The following PALM3 variants were observed in gnomAD, a reference collection of about 807,000 sequenced individuals.
PALM3 encodes the protein paralemmin 3.
In PALM3, 20 loss-of-function variants were observed where a neutral mutation model predicts 27.9. The ratio of observed to expected loss-of-function variants is 0.72; its 90% CI spans 0.50 to 1.04. PALM3 has a LOEUF of 1.04. Ranked by LOEUF, PALM3 falls within the 50% of genes least tolerant of loss-of-function variation. PALM3 has a pLI of 0.00. For missense variants in PALM3, 814 were observed against 869.4 expected (o/e 0.94, Z 0.80); for synonymous variants, 328 against 352.7 (o/e 0.93, Z 0.79).
In PALM3 at chr19:14,056,482, C is replaced by T. The variant is rs895860166; in HGVS notation, c.346G>A (p.Ala116Thr). Residue 116 changes from alanine (A) to threonine (T), a missense_variant, in exon 5 of 7, where the codon GCT (alanine) becomes ACT (threonine). Ala to Thr is a moderately conservative substitution (Grantham distance 58). Coordinates refer to ENST00000669674, the MANE Select transcript of PALM3 (RefSeq NM_001145028.2). ...LQSQLQLLQSASTGAQHKPSG... is the reference protein window; with the variant it reads ...LQSQLQLLQSTSTGAQHKPSG... The stretch of plus-strand genomic sequence containing the variant: ...GGCTTGTGCTGGGCACCTGTGGAAG[C>T]ACTTTGCAACAGTTGCAGCTGGGAC... 6.4e-7 allele frequency: 1 copy of T among 1,551,524 alleles called. No homozygotes were observed. Among genetic ancestry groups the T allele is most frequent in the African/African-American group, 1.4e-5 (1 of 73,072 alleles).
intron 6 of PALM3, 41 bp from the exon 7 acceptor site, chr19:14,055,267 G>A (rs375375388): frequency 6.6e-7 from 1 of 1,521,372 alleles, no homozygotes; most frequent in Admixed American, 2.1e-5. Flanking sequence ...CAAAAGGGAA[G>A]ACAGGGTTAA....
Position 14,053,698 on chromosome 19 carries a change from C to A in PALM3, c.1974G>T (p.Ala658=), listed in dbSNP as rs372145548. Residue 658 remains alanine, a synonymous_variant, in exon 7 of 7, where the codon GCG becomes GCT. Coordinates refer to ENST00000669674, the MANE Select transcript of PALM3 (RefSeq NM_001145028.2). ...NPSAHPVPTY[A]PARQPEPSAP... Reference sequence around the variant, plus strand: ...CAGATGGCTCAGGCTGCCGGGCAGGCGCGTAGGTGGGCACAGGGTGGGCAC... The same window carrying A: ...CAGATGGCTCAGGCTGCCGGGCAGGAGCGTAGGTGGGCACAGGGTGGGCAC... 5 of 1,499,058 alleles carry A rather than the reference C, an allele frequency of 3.3e-6. No homozygotes were observed. 92.9% of individuals were successfully genotyped at this position (1,499,058 alleles called of 1,614,324 possible).
chr19:14,053,885 G>A lies in PALM3; in HGVS notation c.1787C>T (p.Pro596Leu). ...TCCTTCCTCCTCCAGGGCTCCTACT[G>A]GCTTCTCCTGGGGCTGGGGTCCTTC... ...EKEGPQPQEK[P>L]VGALEEEGVK... The change falls in exon 7 of 7, where the codon CCA (proline) becomes CTA (leucine). Residue 596 changes from proline (P) to leucine (L), a missense_variant. Physicochemically the swap from Pro to Leu is moderately conservative, Grantham distance 98. Transcript: ENST00000669674. 1.3e-6 allele frequency: 2 copies of A among 1,551,652 alleles called. No individual in the cohort carries two copies. Among genetic ancestry groups the A allele is most frequent in the Non-Finnish European group, 1.7e-6 (2 of 1,146,944 alleles).
chr19:14,055,119 G>A lies in PALM3; in HGVS notation c.553C>T (p.Pro185Ser). The A allele has an allele frequency of 6.4e-7, 1 of 1,551,546 alleles. No individual in the cohort carries two copies. Among genetic ancestry groups the A allele is most frequent in the Non-Finnish European group, 8.7e-7 (1 of 1,146,982 alleles). ...REDVLGFLPG[P>S]RQVPGAAGDS... is the part of the protein sequence containing the mutation. ...CCTGCTGCCCCGGGGACCTGCCTCGGGCCTGGCAGAAACCCCAAGACATCC... is the reference window on the plus strand; with the variant it reads ...CCTGCTGCCCCGGGGACCTGCCTCGAGCCTGGCAGAAACCCCAAGACATCC... Residue 185 changes from proline to serine, a missense_variant, in exon 7 of 7, where the codon CCG becomes TCG. Pro to Ser is a moderately conservative substitution (Grantham distance 74, BLOSUM62 -1). Transcript: ENST00000669674.
At chr19:14,060,312 T>C (rs1190015116) in intron 1 of PALM3, among the ~76,000 whole-genome samples, 3 of 151,994 alleles carry the variant, frequency 2.0e-5, no homozygotes. Context: ...ATATATATAC[T>C]ATATATAGCA....
rs1251870699 is a variant in PALM3, at chr19:14,059,178, CA to C, written c.42-16del. 7 of 1,443,364 alleles carry C rather than the reference CA, an allele frequency of 4.8e-6. No homozygotes were observed. Among genetic ancestry groups the C allele is most frequent in the Non-Finnish European group, 6.4e-6 (7 of 1,101,320 alleles). The allele number at this position is 1,443,364 out of a possible 1,614,324, so 89.4% of individuals were successfully genotyped here. A position where few individuals can be genotyped will look rare whatever the true frequency, so the allele number is the denominator to read the frequency against. ...CCGCCATGGGCCTGTTGGGAGAGGGCAGGGGCTTCGAGGGGCTCCCATCTTG... is the reference window on the plus strand; with the variant it reads ...CCGCCATGGGCCTGTTGGGAGAGGGCGGGGCTTCGAGGGGCTCCCATCTTG... On this transcript the variant is annotated splice_polypyrimidine_tract_variant and intron_variant, in intron 1 of 6. Coordinates refer to ENST00000669674, the MANE Select transcript of PALM3 (RefSeq NM_001145028.2).
At position 14,056,734 on chromosome 19, in the gene PALM3, G is replaced by A. The variant is rs971966301; in HGVS notation, c.242C>T (p.Thr81Ile). ...CTCGGGTGACTGGGGGTCCTTCGAG[G>A]TGGGGTCTTCGGATGGCTCTGGCAC... ...AAVPEPSEDPTSKDPQSPEGQ... is the reference protein window; with the variant it reads ...AAVPEPSEDPISKDPQSPEGQ... The change falls in exon 4 of 7, where the codon ACC becomes ATC. Residue 81 changes from threonine (T) to isoleucine (I), a missense_variant. Thr to Ile is a moderately conservative substitution (Grantham distance 89). Coordinates refer to ENST00000669674, the MANE Select transcript of PALM3 (RefSeq NM_001145028.2). 1.3e-6 allele frequency: 2 copies of A among 1,551,728 alleles called. No homozygotes were observed. Among genetic ancestry groups the A allele is most frequent in the South Asian group, 1.2e-5 (1 of 84,068 alleles).
chr19:14,056,865 C>G, intron 3 of PALM3, 61 bp from the exon 4 acceptor site: 1 of 1,461,114 alleles, frequency 6.8e-7, no homozygotes, highest in African/African-American at 1.4e-5. Context: ...TGTAAAGTCC[C>G]CTCCCGACCT....
In PALM3 at chr19:14,057,403, C is replaced by T. The variant is rs1485259514; in HGVS notation, c.119G>A (p.Arg40His). 6.5e-7 allele frequency: 1 copy of T among 1,543,738 alleles called. No individual in the cohort carries two copies. The highest frequency in any genetic ancestry group is 8.7e-7 in the Non-Finnish European group (1 of 1,145,202). ...AEKRRLQEEI[R>H]AARREVEEEK... is the part of the protein sequence containing the mutation. ...CTCCTCCACCTCCCGGCGCGCGGCG[C>T]GGATCTCCTCCTGCAGCCGCCGCTT... Residue 40 changes from arginine (R) to histidine (H), a missense_variant, in exon 3 of 7, where the codon CGC (arginine) becomes CAC (histidine). Arg to His is a conservative substitution (Grantham distance 29). Coordinates refer to ENST00000669674, the MANE Select transcript of PALM3 (RefSeq NM_001145028.2).
Position 14,055,147 on chromosome 19 carries a change from C to A in PALM3, c.525G>T (p.Arg175Ser). 1 of 1,549,796 alleles carries A rather than the reference C, an allele frequency of 6.5e-7. No homozygotes were observed. Among genetic ancestry groups the A allele is most frequent in the Non-Finnish European group, 8.7e-7 (1 of 1,146,752 alleles). ...CTGGCAGAAACCCCAAGACATCCTC[C>A]CTGGGCTCAGAGGGGGACTCTGGAG... ...GTPPESPSEP[R>S]EDVLGFLPGP... The change falls in exon 7 of 7, where the codon AGG (arginine) becomes AGT (serine). Residue 175 changes from arginine to serine, a missense_variant. Physicochemically the swap from Arg to Ser is moderately radical, Grantham distance 110. Transcript: ENST00000669674.
In PALM3 at chr19:14,057,396, C is replaced by G. The variant is rs932865274; in HGVS notation, c.126G>C (p.Ala42=). 33 of 1,544,320 alleles carry G rather than the reference C, an allele frequency of 2.1e-5. No homozygotes were observed. The highest frequency in any genetic ancestry group is 1.7e-4 in the Middle Eastern group (1 of 5,888). ...GTTTCTCCTCCTCCACCTCCCGGCG[C>G]GCGGCGCGGATCTCCTCCTGCAGCC... ...KRRLQEEIRA[A]RREVEEEKLR... is the part of the protein sequence containing the mutation. The change falls in exon 3 of 7, where the codon GCG becomes GCC. Residue 42 remains alanine (A), a synonymous_variant. Coordinates refer to ENST00000669674, the MANE Select transcript of PALM3 (RefSeq NM_001145028.2).
chr19:14,054,333 ACTT>A lies in PALM3; in HGVS notation c.1336_1338del (p.Lys446del), dbSNP rs773447877. 5.0e-5 allele frequency: 78 copies of A among 1,549,926 alleles called. No individual in the cohort carries two copies. Among genetic ancestry groups the A allele is most frequent in the South Asian group, 4.0e-4 (34 of 83,968 alleles). On this transcript the variant is annotated inframe_deletion, in exon 7 of 7. Coordinates refer to ENST00000669674, the MANE Select transcript of PALM3 (RefSeq NM_001145028.2). ...GCACTTCCTCTGCTCTCCAGCTCCA[ACTT>A]CTTCTCTCCTCCTTTCCTCTCTACC...
At chr19:14,058,419 G>A (rs952005425) in intron 2 of PALM3, among the ~76,000 whole-genome samples, 1 of 150,684 alleles carries the variant, frequency 6.6e-6, no homozygotes, top group Non-Finnish European at 1.5e-5. Flanking sequence ...GTGAGATGGG[G>A]ATCCAAAATG....
chr19:14,060,838 G>A (rs1976402497), intron 1 of PALM3, among the ~76,000 whole-genome samples: 1 of 152,098 alleles, frequency 6.6e-6, no homozygotes. Context: ...TCAGCTCACT[G>A]CAACCCCCGC....
intron 2 of PALM3, among the ~76,000 whole-genome samples, chr19:14,058,731 A>G (rs1220796192): frequency 6.6e-6 from 1 of 152,030 alleles, no homozygotes; most frequent in African/African-American, 2.4e-5. Flanking sequence ...GGGGGAGTCC[A>G]GAGAGACGAG....
chr19:14,056,235 G>C (rs533092163), intron 5 of PALM3, among the ~76,000 whole-genome samples, 194 bp downstream of exon 5: 144 of 152,300 alleles, frequency 9.5e-4, no homozygotes, highest in African/African-American at 3.3e-3. Context: ...CCATTTTAGA[G>C]ATGGGAAAAC....
intron 1 of PALM3, among the ~76,000 whole-genome samples, chr19:14,061,716 G>A (rs1454733800): frequency 6.6e-6 from 1 of 152,034 alleles, no homozygotes; most frequent in Admixed American, 6.5e-5. Context: ...GAAAATCCCC[G>A]AAGAGGAAGG....
intron 2 of PALM3, chr19:14,057,652 C>T (rs1051287865): frequency 1.8e-5 from 1 of 54,820 alleles, no homozygotes; most frequent in Non-Finnish European, 3.6e-5. Flanking sequence ...GGGGGCGGGG[C>T]GGGGGCGGGG....
Position 14,054,917 on chromosome 19 carries a change from C to T in PALM3, c.755G>A (p.Gly252Asp). The part of the protein sequence containing the change: ...ATEDCATGAT[G>D]PELEAKVEEV... ...CTCCACCTTAGCCTCCAGCTCGGGG[C>T]CCGTGGCCCCTGTGGCACAGTCCTC... The change falls in exon 7 of 7, where the codon GGC (glycine) becomes GAC (aspartate). Residue 252 changes from glycine (G) to aspartate (D), a missense_variant. Gly to Asp is a moderately conservative substitution (Grantham distance 94, BLOSUM62 -1). Transcript: ENST00000669674. 1 of 1,549,256 alleles carries T rather than the reference C, an allele frequency of 6.5e-7. No individual in the cohort carries two copies. The highest frequency in any genetic ancestry group is 8.7e-7 in the Non-Finnish European group (1 of 1,146,966).
Sources: gnomAD v4.1 joint callset for allele counts (sites outside exome capture counted in the v4.1 genomes callset) on GRCh38, gnomAD v4.1.1 for gene constraint, MANE v1.5 for transcripts, NCBI Gene and HGNC (gene_info 2026-07-23, HGNC 2026-07-21) for gene names.